Variants in TENM3 observed in about 807,000 individuals in gnomAD.
TENM3 encodes the protein teneurin transmembrane protein 3.
A neutral mutation model predicts 255.1 loss-of-function variants in TENM3; 63 were observed. That is an observed-to-expected ratio of 0.25 (90% CI 0.20 to 0.30). TENM3 has a LOEUF of 0.30. TENM3 is among the 10% of genes least tolerant of loss of function. The pLI, the probability that TENM3 is intolerant of heterozygous loss-of-function variation, is 1.00. For synonymous variants in TENM3, 1,306 were observed against 1,322.3 expected (o/e 0.99, Z 0.27); for missense variants, 2,929 against 3,461.1 (o/e 0.85, Z 3.86).
At chr4:181,898,049 G>A in the TENM3 span, among the ~76,000 whole-genome samples, 1 of 152,102 alleles carries the variant, frequency 6.6e-6, no homozygotes, top group South Asian at 2.1e-4. Flanking sequence ...AGTCAATGAC[G>A]TAGGCACCAT....
the TENM3 span, among the ~76,000 whole-genome samples, chr4:181,744,132 T>C: frequency 6.6e-6 from 1 of 152,090 alleles, no homozygotes; most frequent in Non-Finnish European, 1.5e-5. Context: ...AATCCATCCA[T>C]GTCGCTGCAA....
chr4:182,516,088 T>G (rs1175971870), intron 3 of TENM3, among the ~76,000 whole-genome samples: 2 of 152,234 alleles, frequency 1.3e-5, no homozygotes, highest in African/African-American at 4.8e-5. Flanking sequence ...TGGTCAGCTG[T>G]GACCCTAGGC....
chr4:182,602,873 A>C (rs1265580776), intron 4 of TENM3, among the ~76,000 whole-genome samples: 1 of 152,258 alleles, frequency 6.6e-6, no homozygotes, highest in Non-Finnish European at 1.5e-5. Context: ...CATCAGATTG[A>C]ATATGGATAT....
intron 3 of TENM3, among the ~76,000 whole-genome samples, chr4:182,397,853 A>C (rs1324373736): frequency 6.6e-6 from 1 of 152,096 alleles, no homozygotes; most frequent in Non-Finnish European, 1.5e-5. Context: ...TACTATGAGG[A>C]CCACTGCTCC....
At chr4:181,585,675 G>A in the TENM3 span, among the ~76,000 whole-genome samples, 2 of 152,164 alleles carry the variant, frequency 1.3e-5, no homozygotes, top group Non-Finnish European at 2.9e-5. Context: ...AATAGCAAAT[G>A]AGGCCATTTC....
intron 3 of TENM3, among the ~76,000 whole-genome samples, chr4:182,475,518 A>G (rs1733599848): frequency 6.6e-6 from 1 of 152,140 alleles, no homozygotes; most frequent in Non-Finnish European, 1.5e-5. Flanking sequence ...GTGTTTTTAT[A>G]TGCCTAATAA....
At chr4:182,684,721 C>T (rs745874044) in intron 11 of TENM3, among the ~76,000 whole-genome samples, 6 of 152,032 alleles carry the variant, frequency 3.9e-5, no homozygotes, top group African/African-American at 7.2e-5. Context: ...AATTGTAGTT[C>T]GTCATTCTTA....
chr4:181,524,382 C>T, the TENM3 span, among the ~76,000 whole-genome samples: 1 of 152,108 alleles, frequency 6.6e-6, no homozygotes, highest in Non-Finnish European at 1.5e-5. Flanking sequence ...GGAATTGACA[C>T]GAAAGGCTTA....
chr4:181,886,361 C>A, the TENM3 span, among the ~76,000 whole-genome samples: 1 of 152,134 alleles, frequency 6.6e-6, no homozygotes, highest in South Asian at 2.1e-4. Flanking sequence ...CCGGCCTCTA[C>A]AACTTTTTCT....
intron 3 of TENM3, among the ~76,000 whole-genome samples, chr4:182,358,206 T>G (rs1174853770): frequency 1.3e-5 from 2 of 149,558 alleles, no homozygotes; most frequent in South Asian, 4.4e-4. Context: ...TGCGGGCTCT[T>G]TTTTGGTTCC....
At chr4:181,595,324 G>A in the TENM3 span, among the ~76,000 whole-genome samples, 1 of 151,554 alleles carries the variant, frequency 6.6e-6, no homozygotes, top group South Asian at 2.1e-4. Flanking sequence ...TCAGATACTT[G>A]GGAGGCTGAG....
chr4:182,756,864 G>A (rs530312020), intron 22 of TENM3, among the ~76,000 whole-genome samples: 3 of 152,172 alleles, frequency 2.0e-5, no homozygotes, highest in Non-Finnish European at 4.4e-5. Context: ...TTTTAGTATC[G>A]CAATAGGAAA....
Position 182,576,395 on chromosome 4 carries a change from GC to G in TENM3, c.512-24528del, listed in dbSNP as rs150285802. 6.6e-3 allele frequency among the ~76,000 whole-genome samples: 1,008 copies of G among 152,236 alleles called. 35 individuals carry two copies. The East Asian group carries it at 0.08, about 12-fold the overall frequency. Reference sequence around the variant, plus strand: ...GGAGAGGTAATGCAAATACTGCAATGCACTCATAAGAAAAAAATAAATTTTC... The same window carrying G: ...GGAGAGGTAATGCAAATACTGCAATGACTCATAAGAAAAAAATAAATTTTC... On this transcript the variant is annotated intron_variant, in intron 3 of 27. Coordinates refer to ENST00000511685, the MANE Select transcript of TENM3 (RefSeq NM_001080477.4).
chr4:181,451,295 C>A, the TENM3 span, among the ~76,000 whole-genome samples: 126 of 152,160 alleles, frequency 8.3e-4, no homozygotes, highest in African/African-American at 2.8e-3. Context: ...TAGAGCACAG[C>A]CTGCAAACAG....
At chr4:181,778,552 C>T in the TENM3 span, among the ~76,000 whole-genome samples, 26,560 of 152,126 alleles carry the variant, frequency 0.17, 3,043 homozygotes, top group Non-Finnish European at 0.25. Flanking sequence ...GACTCAGTGT[C>T]TTTATGATGG....
chr4:182,177,583 G>A (rs1047807993), intron 1 of TENM3, among the ~76,000 whole-genome samples: 34 of 150,770 alleles, frequency 2.3e-4, no homozygotes, highest in African/African-American at 8.3e-4. Context: ...TATTTAAAAT[G>A]GGGACATATT....
the TENM3 span, among the ~76,000 whole-genome samples, chr4:182,029,028 G>C: frequency 5.9e-5 from 9 of 152,060 alleles, no homozygotes; most frequent in Non-Finnish European, 8.8e-5. Flanking sequence ...TAATACCTGA[G>C]ACTGGGCAAT....
chr4:182,764,533 G>A lies in TENM3; in HGVS notation c.4893-8939G>A, dbSNP rs189827879. On this transcript the variant is annotated intron_variant, in intron 22 of 27. Transcript: ENST00000511685. The stretch of plus-strand genomic sequence containing the variant: ...GAGGCAAGAAAAACTTACCAAGGGA[G>A]GTAATTTTTAAGATCAGTGTTGCAA... 1.1e-4 allele frequency among the ~76,000 whole-genome samples: 17 copies of A among 152,282 alleles called. No homozygotes were observed. The East Asian group carries it at 3.1e-3, about 28-fold the overall frequency.
the TENM3 span, among the ~76,000 whole-genome samples, chr4:181,482,454 G>A: frequency 4.6e-5 from 7 of 152,156 alleles, no homozygotes; most frequent in South Asian, 1.5e-3. Context: ...AACCATATGG[G>A]AAATGAGTAG....
Sources: allele counts gnomAD v4.1 joint callset (sites outside exome capture counted in the v4.1 genomes callset), GRCh38; gene constraint gnomAD v4.1.1; transcripts MANE v1.5; gene names NCBI Gene and HGNC (gene_info 2026-07-23, HGNC 2026-07-21).